Variants in EDIL3 observed in about 807,000 individuals in gnomAD.
EDIL3 encodes the protein EGF-like repeat and discoidin I-like domain-containing protein 3.
A neutral mutation model predicts 67.4 loss-of-function variants in EDIL3; 37 were observed. The observed-to-expected ratio is 0.55, with a 90% confidence interval of 0.42 to 0.72. The LOEUF (loss-of-function observed/expected upper bound fraction) is 0.72, where lower values mean the gene tolerates loss of function less well. EDIL3 is among the 30% of genes least tolerant of loss of function. The pLI, the probability that EDIL3 is intolerant of heterozygous loss-of-function variation, is 0.00. For synonymous variants in EDIL3, 195 were observed against 196.3 expected (o/e 0.99, Z 0.05); for missense variants, 527 against 586.3 (o/e 0.90, Z 1.04).
chr5:84,161,478 TATA>T (rs1218921585), intron 4 of EDIL3, among the ~76,000 whole-genome samples: 1 of 152,036 alleles, frequency 6.6e-6, no homozygotes, highest in Non-Finnish European at 1.5e-5. Flanking sequence ...CTTCACAGTC[TATA>T]ATATTTCAAA....
At chr5:84,153,361 A>G (rs1748432503) in intron 4 of EDIL3, among the ~76,000 whole-genome samples, 1 of 151,902 alleles carries the variant, frequency 6.6e-6, no homozygotes, top group Admixed American at 6.6e-5. Flanking sequence ...CAGTGGCACG[A>G]CCTCGGCTCA....
intron 1 of EDIL3, among the ~76,000 whole-genome samples, chr5:84,292,011 A>C (rs751052692): frequency 1.3e-4 from 19 of 151,974 alleles, no homozygotes; most frequent in Non-Finnish European, 2.6e-4. Flanking sequence ...TCAGTGCTAC[A>C]TCTCTACTGC....
chr5:84,335,131 G>A (rs947892632), intron 1 of EDIL3, among the ~76,000 whole-genome samples: 2 of 152,052 alleles, frequency 1.3e-5, no homozygotes, highest in Admixed American at 1.3e-4. Context: ...TTAATCTTAT[G>A]TCTTTGGTTT....
Position 83,943,234 on chromosome 5 carries a change from A to G in EDIL3, c.*185T>C, listed in dbSNP as rs572147103. 52 of 647,058 alleles carry G rather than the reference A, an allele frequency of 8.0e-5. 1 individual carries two copies. In the Middle Eastern group the frequency reaches 1.7e-3, roughly 22 times the overall value. 40.1% of individuals were successfully genotyped at this position (647,058 alleles called of 1,614,324 possible). On this transcript the variant is annotated 3_prime_UTR_variant, in exon 11 of 11. Transcript: ENST00000296591. ...GATTTGACGGATAAAATAAAATCAAATTAAATCATTGAAAAGGCAGGCTTA... is the reference window on the plus strand; with the variant it reads ...GATTTGACGGATAAAATAAAATCAAGTTAAATCATTGAAAAGGCAGGCTTA...
intron 9 of EDIL3, among the ~76,000 whole-genome samples, chr5:84,053,266 C>G (rs1206522683): frequency 6.6e-6 from 1 of 152,148 alleles, no homozygotes; most frequent in Non-Finnish European, 1.5e-5. Context: ...CCAATGAGAA[C>G]AAAGACACAA....
At chr5:84,374,132 A>G (rs541016222) in intron 1 of EDIL3, among the ~76,000 whole-genome samples, 22 of 152,218 alleles carry the variant, frequency 1.4e-4, no homozygotes, top group African/African-American at 4.8e-4. Flanking sequence ...GTTAATGTTG[A>G]GAAGCAATTT....
intron 9 of EDIL3, among the ~76,000 whole-genome samples, chr5:84,013,219 C>A (rs1452841842): frequency 6.6e-6 from 1 of 151,734 alleles, no homozygotes; most frequent in African/African-American, 2.4e-5. Context: ...GTATCCTGTA[C>A]ATATATATGT....
At chr5:83,993,884 T>G (rs1745192499) in intron 9 of EDIL3, among the ~76,000 whole-genome samples, 1 of 152,212 alleles carries the variant, frequency 6.6e-6, no homozygotes, top group Non-Finnish European at 1.5e-5. Flanking sequence ...AAGGCAATCC[T>G]AAGCCTCTGA....
At chr5:84,296,300 C>T (rs16901043) in intron 1 of EDIL3, among the ~76,000 whole-genome samples, 2,118 of 152,260 alleles carry the variant, frequency 0.014, 54 homozygotes, top group African/African-American at 0.049. Context: ...TGCCTTATTA[C>T]TGTTGTATCA....
chr5:84,357,116 G>C (rs1332912417), intron 1 of EDIL3, among the ~76,000 whole-genome samples: 1 of 151,520 alleles, frequency 6.6e-6, no homozygotes, highest in Non-Finnish European at 1.5e-5. Flanking sequence ...GCAGAGATAA[G>C]GTTTCACCAT....
rs372125753 is a variant in EDIL3 at position 84,323,102 on chromosome 5, A to C, written c.67+61206T>G. On this transcript the variant is annotated intron_variant, in intron 1 of 10. Coordinates refer to ENST00000296591, the MANE Select transcript of EDIL3 (RefSeq NM_005711.5). ...TTTAATATTTGTTTCCACATAATTTAAGATATTAATACACTTTTTTAAATT... is the reference window on the plus strand; with the variant it reads ...TTTAATATTTGTTTCCACATAATTTCAGATATTAATACACTTTTTTAAATT... 2.3e-4 allele frequency among the ~76,000 whole-genome samples: 35 copies of C among 152,190 alleles called. No homozygotes were observed. The East Asian group carries it at 4.4e-3, about 19-fold the overall frequency.
At chr5:84,259,540 C>T (rs1356657591) in intron 1 of EDIL3, among the ~76,000 whole-genome samples, 7 of 152,192 alleles carry the variant, frequency 4.6e-5, no homozygotes, top group Middle Eastern at 3.4e-3. Flanking sequence ...AAGCTCATGC[C>T]GATTTGCTTT....
At chr5:84,085,373 CT>C (rs1561426578) in intron 6 of EDIL3, among the ~76,000 whole-genome samples, 1 of 152,060 alleles carries the variant, frequency 6.6e-6, no homozygotes, top group Non-Finnish European at 1.5e-5. Context: ...GTGTGGGGGT[CT>C]TTTTTGTTGA....
intron 1 of EDIL3, among the ~76,000 whole-genome samples, chr5:84,284,195 C>T (rs929200819): frequency 4.9e-4 from 74 of 152,184 alleles, no homozygotes; most frequent in Admixed American, 4.3e-3. Flanking sequence ...TTTAATTTGT[C>T]TATTTTTAAA....
Position 84,357,604 on chromosome 5 carries a change from G to A in EDIL3, c.67+26704C>T, listed in dbSNP as rs566412395. Among the ~76,000 whole-genome samples, 11 of 152,064 alleles carry A rather than the reference G, an allele frequency of 7.2e-5. No homozygotes were observed. The East Asian group carries it at 1.2e-3, about 16-fold the overall frequency. ...ACCTTTCTGTGAATCAAATGCAAGC[G>A]AGGGCTGGGTGCAGTGGCTCACGCC... On this transcript the variant is annotated intron_variant, in intron 1 of 10. Transcript: ENST00000296591.
At chr5:84,095,779 A>G (rs113501141) in intron 6 of EDIL3, among the ~76,000 whole-genome samples, 2,705 of 152,314 alleles carry the variant, frequency 0.018, 31 homozygotes, top group Non-Finnish European at 0.025. Flanking sequence ...AGAAATTTGC[A>G]TAAGTAATGA....
At chr5:84,003,042 T>C (rs1373158573) in intron 9 of EDIL3, among the ~76,000 whole-genome samples, 1 of 152,158 alleles carries the variant, frequency 6.6e-6, no homozygotes, top group African/African-American at 2.4e-5. Context: ...GCTGTTGTAG[T>C]GCTACCCATC....
chr5:84,371,292 A>G (rs1747839607), intron 1 of EDIL3, among the ~76,000 whole-genome samples: 1 of 148,016 alleles, frequency 6.8e-6, no homozygotes, highest in Admixed American at 6.8e-5. Context: ...TCTGCAACAT[A>G]TAGCAAGAGA....
intron 1 of EDIL3, among the ~76,000 whole-genome samples, chr5:84,292,645 AC>A (rs998517723): frequency 3.3e-5 from 5 of 152,160 alleles, no homozygotes; most frequent in African/African-American, 9.7e-5. Context: ...AATATATCCT[AC>A]CATTAAAATA....
Sources: gnomAD v4.1 joint callset for allele counts (sites outside exome capture counted in the v4.1 genomes callset) on GRCh38, gnomAD v4.1.1 for gene constraint, MANE v1.5 for transcripts, NCBI Gene and HGNC (gene_info 2026-07-23, HGNC 2026-07-21) for gene names.